The following NRXN1 variants were observed in gnomAD, a reference collection of about 807,000 sequenced individuals.
NRXN1 encodes neurexin-1.
NRXN1 carries 39 observed loss-of-function variants against 150.9 expected under a neutral mutation model. The observed-to-expected ratio is 0.26, with a 90% CI of 0.20 to 0.34. NRXN1 has a LOEUF of 0.34. Ranked by LOEUF, NRXN1 falls within the 10% of genes least tolerant of loss-of-function variation. The probability of loss-of-function intolerance (pLI) is 1.00; values close to 1 mark genes in which losing one functional copy is unlikely to be tolerated. For missense variants in NRXN1, 1,815 were observed against 1,949.9 expected, an observed-to-expected ratio of 0.93 and a Z score of 1.30; for synonymous variants, 924 against 757.0, an observed-to-expected ratio of 1.22 and a Z score of -3.62.
At chr2:50,757,705 C>T (rs769257275) in intron 5 of NRXN1, among the ~76,000 whole-genome samples, 2 of 151,650 alleles carry the variant, frequency 1.3e-5, no homozygotes, top group Admixed American at 6.6e-5. Flanking sequence ...GGTGTACAAG[C>T]GTGATAGTCT....
At chr2:50,246,267 A>G (rs1574712818) in intron 17 of NRXN1, among the ~76,000 whole-genome samples, 1 of 152,010 alleles carries the variant, frequency 6.6e-6, no homozygotes. Context: ...TATTTTTACC[A>G]CAGTCACTTT....
Position 50,656,851 on chromosome 2 carries a change from A to C in NRXN1, c.833-33236T>G, listed in dbSNP as rs369631620. Reference sequence around the variant, plus strand: ...GAGATGCTATCATTGAAATTAATTCACTGGTTATAAAAGGAAGGCTATCCA... The same window carrying C: ...GAGATGCTATCATTGAAATTAATTCCCTGGTTATAAAAGGAAGGCTATCCA... On this transcript the variant is annotated intron_variant, in intron 5 of 22. Coordinates refer to ENST00000401669, the MANE Select transcript of NRXN1 (RefSeq NM_001330078.2). Among the ~76,000 whole-genome samples, 13 of 152,136 alleles carry C rather than the reference A, an allele frequency of 8.5e-5. No individual in the cohort carries two copies. The South Asian group carries it at 2.5e-3, about 29-fold the overall frequency.
intron 18 of NRXN1, among the ~76,000 whole-genome samples, chr2:50,173,016 C>G (rs2060124719): frequency 6.6e-6 from 1 of 152,130 alleles, no homozygotes; most frequent in East Asian, 1.9e-4. Flanking sequence ...TCCTTCCAGG[C>G]TTGCTATAGA....
chr2:50,869,560 T>C, intron 5 of NRXN1, among the ~76,000 whole-genome samples: 1 of 151,740 alleles, frequency 6.6e-6, no homozygotes. Context: ...AATCAAATTT[T>C]AAAGAACATT....
intron 12 of NRXN1, among the ~76,000 whole-genome samples, chr2:50,514,038 T>C (rs2092552727): frequency 6.6e-6 from 1 of 152,204 alleles, no homozygotes; most frequent in Non-Finnish European, 1.5e-5. Flanking sequence ...CAATTGGTTC[T>C]AAAGTTCACT....
chr2:50,303,259 C>A (rs946790750), intron 17 of NRXN1, among the ~76,000 whole-genome samples: 8 of 152,156 alleles, frequency 5.3e-5, no homozygotes, highest in African/African-American at 1.9e-4. Flanking sequence ...TTTCACATAT[C>A]TATGCATGCA....
intron 10 of NRXN1, among the ~76,000 whole-genome samples, chr2:50,533,356 T>C (rs1368784974): frequency 6.6e-6 from 1 of 152,160 alleles, no homozygotes; most frequent in African/African-American, 2.4e-5. Context: ...GGAATATTAT[T>C]AAACTCTTGA....
rs149418913 is a variant in NRXN1 at position 50,684,359 on chromosome 2, C to T, written c.833-60744G>A. Among the ~76,000 whole-genome samples the T allele has an allele frequency of 1.1e-3, 162 of 151,824 alleles. No individual in the cohort carries two copies. In the Middle Eastern group the frequency reaches 0.017, roughly 16 times the overall value. On this transcript the variant is annotated intron_variant, in intron 5 of 22. Coordinates refer to ENST00000401669, the MANE Select transcript of NRXN1 (RefSeq NM_001330078.2). ...CACTACAAAAAAATACAAAAATAGC[C>T]GGGCATGGTGGTGTATGCCTGTAGT...
At chr2:50,818,273 T>C (rs1260914766) in intron 5 of NRXN1, among the ~76,000 whole-genome samples, 1 of 151,794 alleles carries the variant, frequency 6.6e-6, no homozygotes, top group African/African-American at 2.4e-5. Flanking sequence ...TTAGATAGTT[T>C]GGACATCTTA....
chr2:50,939,237 A>G (rs1046212353), intron 2 of NRXN1, among the ~76,000 whole-genome samples: 1 of 147,310 alleles, frequency 6.8e-6, no homozygotes, highest in Non-Finnish European at 1.5e-5. Context: ...AAAAAAAAAA[A>G]TTAAATGTAG....
At chr2:50,288,776 T>A (rs1445965827) in intron 17 of NRXN1, among the ~76,000 whole-genome samples, 1 of 152,126 alleles carries the variant, frequency 6.6e-6, no homozygotes, top group Admixed American at 6.6e-5. Flanking sequence ...TCAGGACACG[T>A]GGGAATTATG....
chr2:50,531,311 G>A lies in NRXN1; in HGVS notation c.2263C>T (p.Leu755=). ...RFRSQRAYGI[L]MATTSRDSAD... is the part of the protein sequence containing the mutation. ...GAGTCTCTAGAAGTGGTTGCCATCA[G>A]AATGCCATATGCACGCTGGGATCGG... Residue 755 remains leucine, a synonymous_variant, in exon 11 of 23, where the codon CTG becomes TTG. Coordinates refer to ENST00000401669, the MANE Select transcript of NRXN1 (RefSeq NM_001330078.2). 6.2e-7 allele frequency: 1 copy of A among 1,613,622 alleles called. No homozygotes were observed. The highest frequency in any genetic ancestry group is 1.3e-5 in the African/African-American group (1 of 75,034).
At chr2:50,877,172 AAC>A (rs1678721761) in intron 5 of NRXN1, among the ~76,000 whole-genome samples, 1 of 150,888 alleles carries the variant, frequency 6.6e-6, no homozygotes, top group Non-Finnish European at 1.5e-5. Flanking sequence ...ACACATCCCC[AAC>A]ACACACATAG....
At chr2:50,023,617 C>T (rs138271099) in intron 21 of NRXN1, 36 of 152,260 alleles carry the variant, frequency 2.4e-4, no homozygotes, top group African/African-American at 7.7e-4. Context: ...AAAGGCAAAG[C>T]TAATGAATTG....
chr2:50,165,540 G>A (rs1003099714), intron 18 of NRXN1, among the ~76,000 whole-genome samples: 5 of 152,062 alleles, frequency 3.3e-5, no homozygotes, highest in African/African-American at 1.2e-4. Context: ...GTAGAAACGA[G>A]GTTTCAGCAT....
At chr2:50,660,788 C>G (rs1376386253) in intron 5 of NRXN1, among the ~76,000 whole-genome samples, 1 of 152,022 alleles carries the variant, frequency 6.6e-6, no homozygotes, top group East Asian at 1.9e-4. Context: ...CTCCCAGAAC[C>G]TCACGTAGTC....
chr2:50,509,411 G>T (rs1373062048), intron 12 of NRXN1, among the ~76,000 whole-genome samples: 1 of 152,118 alleles, frequency 6.6e-6, no homozygotes, highest in East Asian at 1.9e-4. Flanking sequence ...TCTATCTAGG[G>T]ATGCTGAAAT....
At chr2:50,849,613 C>T (rs1674211424) in intron 5 of NRXN1, among the ~76,000 whole-genome samples, 1 of 152,176 alleles carries the variant, frequency 6.6e-6, no homozygotes, top group Non-Finnish European at 1.5e-5. Context: ...GTTCAGTTCT[C>T]TCTCTCTCTC....
At chr2:50,448,773 C>T (rs2086698168) in intron 17 of NRXN1, among the ~76,000 whole-genome samples, 1 of 152,118 alleles carries the variant, frequency 6.6e-6, no homozygotes, top group Admixed American at 6.6e-5. Flanking sequence ...AGCCGACAAT[C>T]CAGATCATAA....
Sources: gnomAD v4.1 joint callset for allele counts (sites outside exome capture counted in the v4.1 genomes callset) on GRCh38, gnomAD v4.1.1 for gene constraint, MANE v1.5 for transcripts, NCBI Gene and HGNC (gene_info 2026-07-23, HGNC 2026-07-21) for gene names.